Variants in ME1 observed in about 807,000 individuals in gnomAD.
ME1 encodes malic enzyme 1.
Under a neutral mutation model 66.4 loss-of-function variants are expected in ME1, and 74 were observed. The ratio of observed to expected loss-of-function variants is 1.11; its 90% CI spans 0.92 to 1.35. The LOEUF (loss-of-function observed/expected upper bound fraction) is 1.35. Among genes scored for constraint, ME1 ranks in the 40% most tolerant of loss-of-function variants. ME1 has a pLI of 0.00. For missense variants in ME1, 750 were observed against 694.1 expected (o/e 1.08, Z -0.90); for synonymous variants, 251 against 235.6 (o/e 1.07, Z -0.60).
At chr6:83,240,355 A>G (rs1790489694) in intron 7 of ME1, among the ~76,000 whole-genome samples, 1 of 152,092 alleles carries the variant, frequency 6.6e-6, no homozygotes, top group Non-Finnish European at 1.5e-5. Context: ...ACCTATGAAA[A>G]TCACTGGTGG....
At chr6:83,356,506 G>T (rs953735165) in intron 3 of ME1, among the ~76,000 whole-genome samples, 1 of 152,054 alleles carries the variant, frequency 6.6e-6, no homozygotes, top group Non-Finnish European at 1.5e-5. Flanking sequence ...AGAAATAGAA[G>T]AATTATTAAA....
intron 2 of ME1, among the ~76,000 whole-genome samples, chr6:83,401,903 A>T (rs560707713): frequency 6.6e-6 from 1 of 152,342 alleles, no homozygotes; most frequent in Admixed American, 6.5e-5. Context: ...TATGGGAAGG[A>T]CAACTTTTTT....
intron 1 of ME1, among the ~76,000 whole-genome samples, chr6:83,418,874 G>A (rs1247592393): frequency 6.6e-6 from 1 of 151,606 alleles, no homozygotes; most frequent in Non-Finnish European, 1.5e-5. Flanking sequence ...GTTCACTGAG[G>A]AGTAATGTCA....
At chr6:83,402,061 T>G (rs1365666353) in intron 2 of ME1, among the ~76,000 whole-genome samples, 1 of 152,246 alleles carries the variant, frequency 6.6e-6, no homozygotes, top group Non-Finnish European at 1.5e-5. Context: ...GAACTCACTT[T>G]AGAGCAAACG....
At chr6:83,266,333 G>A (rs765400322) in intron 6 of ME1, among the ~76,000 whole-genome samples, 12 of 152,240 alleles carry the variant, frequency 7.9e-5, no homozygotes, top group Admixed American at 3.3e-4. Flanking sequence ...AATCAGAATG[G>A]TACATTTAGA....
At chr6:83,250,791 C>T (rs1481541742) in intron 7 of ME1, among the ~76,000 whole-genome samples, 3 of 152,212 alleles carry the variant, frequency 2.0e-5, no homozygotes, top group Non-Finnish European at 4.4e-5. Flanking sequence ...GTTCAACACT[C>T]ACCAACTCTT....
intron 1 of ME1, among the ~76,000 whole-genome samples, chr6:83,414,889 A>T (rs1770129719): frequency 6.6e-6 from 1 of 152,200 alleles, no homozygotes; most frequent in Admixed American, 6.5e-5. Flanking sequence ...CACTGTCACT[A>T]AACCAATAGA....
intron 7 of ME1, among the ~76,000 whole-genome samples, chr6:83,249,248 T>C (rs1347534975): frequency 6.6e-6 from 1 of 151,828 alleles, no homozygotes; most frequent in African/African-American, 2.4e-5. Context: ...TTTTTTCTTT[T>C]TTCTTTTTTT....
rs773163466 is a variant in ME1, at chr6:83,216,485, A to G, written c.1548+13T>C. ...AAGGAAAAATAATGAAGCTTGAACA[A>G]GAGTGGTTTTACCTTTTCTGCAATT... On this transcript the variant is annotated intron_variant, in intron 13 of 13. Coordinates refer to ENST00000369705, the MANE Select transcript of ME1 (RefSeq NM_002395.6). 1 of 1,534,532 alleles carries G rather than the reference A, an allele frequency of 6.5e-7. No individual in the cohort carries two copies. Among genetic ancestry groups the G allele is most frequent in the Non-Finnish European group, 8.9e-7 (1 of 1,119,236 alleles).
At chr6:83,292,857 C>T (rs971508401) in intron 6 of ME1, among the ~76,000 whole-genome samples, 3 of 152,274 alleles carry the variant, frequency 2.0e-5, no homozygotes, top group Admixed American at 2.0e-4. Flanking sequence ...ATGGTGGACG[C>T]CCCTCCCGCC....
chr6:83,293,482 A>T (rs1468821078), intron 6 of ME1, among the ~76,000 whole-genome samples: 1 of 152,136 alleles, frequency 6.6e-6, no homozygotes, highest in Non-Finnish European at 1.5e-5. Context: ...GATTTTGCCT[A>T]CTTTAGATAT....
chr6:83,222,425 T>C (rs1240563072), intron 12 of ME1, among the ~76,000 whole-genome samples: 2 of 152,120 alleles, frequency 1.3e-5, no homozygotes. Context: ...ATTCTTGGGG[T>C]TCCTCTTCAC....
At chr6:83,219,565 T>G (rs1172325198) in intron 12 of ME1, among the ~76,000 whole-genome samples, 1 of 152,138 alleles carries the variant, frequency 6.6e-6, no homozygotes, top group Non-Finnish European at 1.5e-5. Flanking sequence ...CAGAAAAGTA[T>G]TCAATTAAAC....
At chr6:83,411,346 A>T (rs1221032787) in intron 1 of ME1, among the ~76,000 whole-genome samples, 1 of 152,082 alleles carries the variant, frequency 6.6e-6, no homozygotes, top group Non-Finnish European at 1.5e-5. Context: ...CCTAGGTGAC[A>T]GAGCAAGACT....
chr6:83,411,852 T>G (rs936088618), intron 1 of ME1, among the ~76,000 whole-genome samples: 9 of 152,308 alleles, frequency 5.9e-5, no homozygotes, highest in Non-Finnish European at 8.8e-5. Flanking sequence ...TTTTTGTCTT[T>G]TCTTTGCTTT....
At chr6:83,323,373 G>C (rs1303185354) in intron 5 of ME1, among the ~76,000 whole-genome samples, 1 of 152,054 alleles carries the variant, frequency 6.6e-6, no homozygotes, top group African/African-American at 2.4e-5. Context: ...AGGATAAAGA[G>C]TCAATACCCA....
chr6:83,308,477 T>TAAA (rs5877840), intron 6 of ME1, among the ~76,000 whole-genome samples: 5 of 137,442 alleles, frequency 3.6e-5, no homozygotes. Flanking sequence ...ACTGATTCTG[T>TAAA]AAAAAAAAAA....
intron 6 of ME1, among the ~76,000 whole-genome samples, chr6:83,288,982 T>C (rs1266982439): frequency 2.0e-5 from 3 of 152,202 alleles, no homozygotes; most frequent in African/African-American, 7.2e-5. Context: ...ATGCTCATGA[T>C]TTTTGCACAT....
At chr6:83,261,836 A>C (rs1766897487) in intron 6 of ME1, among the ~76,000 whole-genome samples, 1 of 152,018 alleles carries the variant, frequency 6.6e-6, no homozygotes, top group South Asian at 2.1e-4. Context: ...CAACATGGTG[A>C]AACCCTGTCT....
Sources: gnomAD v4.1 joint callset for allele counts (sites outside exome capture counted in the v4.1 genomes callset) on GRCh38, gnomAD v4.1.1 for gene constraint, MANE v1.5 for transcripts, NCBI Gene and HGNC (gene_info 2026-07-23, HGNC 2026-07-21) for gene names.